The following VPS50 variants were observed in gnomAD, a reference collection of about 807,000 sequenced individuals.
VPS50 encodes VPS50 subunit of EARP/GARPII complex.
Under a neutral mutation model 139.7 loss-of-function variants are expected in VPS50, and 70 were observed. That is an observed-to-expected ratio of 0.50 (90% CI 0.41 to 0.61). The LOEUF (loss-of-function observed/expected upper bound fraction) is 0.61, where lower values mean the gene tolerates loss of function less well. Ranked by LOEUF, VPS50 falls within the 20% of genes least tolerant of loss-of-function variation. The pLI is 0.00. For missense variants in VPS50, 921 were observed against 1,133.7 expected (o/e 0.81, Z 2.69); for synonymous variants, 365 against 376.7 (o/e 0.97, Z 0.36).
At chr7:93,311,063 T>G in intron 19 of VPS50, 103 bp from the exon 20 acceptor site, 1 of 704,194 alleles carries the variant, frequency 1.4e-6, no homozygotes, top group South Asian at 1.6e-5. Flanking sequence ...TAGTAAGATT[T>G]TCATTAAATA....
intron 6 of VPS50, 108 bp downstream of exon 6, chr7:93,257,572 G>C: frequency 1.6e-6 from 1 of 633,350 alleles, no homozygotes; most frequent in South Asian, 2.1e-5. Flanking sequence ...GTGGTTTCTA[G>C]AATATCATTC....
At chr7:93,327,158 T>C (rs972301167) in intron 21 of VPS50, among the ~76,000 whole-genome samples, 3 of 152,314 alleles carry the variant, frequency 2.0e-5, no homozygotes, top group South Asian at 4.1e-4. Context: ...TTCACAATAG[T>C]GGAAACGTTC....
intron 21 of VPS50, among the ~76,000 whole-genome samples, chr7:93,327,553 A>G (rs1797818111): frequency 6.6e-6 from 1 of 152,178 alleles, no homozygotes; most frequent in Non-Finnish European, 1.5e-5. Context: ...AAGGTTTGTT[A>G]TGAACACACT....
chr7:93,358,075 A>G (rs1031055301), intron 27 of VPS50, among the ~76,000 whole-genome samples: 2 of 152,154 alleles, frequency 1.3e-5, no homozygotes, highest in Non-Finnish European at 2.9e-5. Context: ...TTGCTTTGCC[A>G]TATTAAAACA....
At chr7:93,335,220 G>T (rs1289908381) in intron 22 of VPS50, among the ~76,000 whole-genome samples, 1 of 152,180 alleles carries the variant, frequency 6.6e-6, no homozygotes, top group Non-Finnish European at 1.5e-5. Flanking sequence ...GTACTAAGAT[G>T]AAACTGAAGC....
At chr7:93,241,250 T>G (rs1353480411) in intron 2 of VPS50, among the ~76,000 whole-genome samples, 1 of 152,078 alleles carries the variant, frequency 6.6e-6, no homozygotes, top group Non-Finnish European at 1.5e-5. Flanking sequence ...TACTGGTTGG[T>G]AGTGAATATG....
At chr7:93,302,408 T>C (rs1797004336) in intron 16 of VPS50, among the ~76,000 whole-genome samples, 1 of 151,920 alleles carries the variant, frequency 6.6e-6, no homozygotes, top group Non-Finnish European at 1.5e-5. Flanking sequence ...TGTCTTTGAG[T>C]TCATGAATCC....
chr7:93,294,308 A>T (rs1432323921), intron 13 of VPS50, among the ~76,000 whole-genome samples: 1 of 151,890 alleles, frequency 6.6e-6, no homozygotes, highest in African/African-American at 2.4e-5. Flanking sequence ...ACTCAGTCAC[A>T]TATGATCTCA....
intron 25 of VPS50, among the ~76,000 whole-genome samples, chr7:93,351,697 C>A (rs1394675441): frequency 1.3e-5 from 2 of 152,054 alleles, no homozygotes; most frequent in Non-Finnish European, 2.9e-5. Flanking sequence ...TTTTAAAAAG[C>A]CCCACCTCCC....
chr7:93,265,808 C>G (rs1795825529), intron 9 of VPS50, among the ~76,000 whole-genome samples: 1 of 152,104 alleles, frequency 6.6e-6, no homozygotes, highest in Admixed American at 6.6e-5. Context: ...CTCAGATGAT[C>G]CACCTGCCTC....
At chr7:93,334,309 A>G (rs1798014249) in intron 22 of VPS50, 112 bp downstream of exon 22, 5 of 668,050 alleles carry the variant, frequency 7.5e-6, no homozygotes, top group African/African-American at 1.8e-5. Context: ...GAGTCCTCAG[A>G]ATTAAATGAG....
chr7:93,261,749 G>A (rs553959903), intron 9 of VPS50, among the ~76,000 whole-genome samples: 8 of 151,858 alleles, frequency 5.3e-5, no homozygotes, highest in East Asian at 1.9e-4. Flanking sequence ...GGAAGCATTC[G>A]GATCTAACTC....
Position 93,281,519 on chromosome 7 carries a change from G to A in VPS50, c.942+5214G>A, listed in dbSNP as rs76431417. On this transcript the variant is annotated intron_variant, in intron 12 of 27. Transcript: ENST00000305866. Reference sequence around the variant, plus strand: ...GCAGGAAATTAATGCTAAAGTTAATGTTCATGTTTAGTACCCATTTTGTTT... The same window carrying A: ...GCAGGAAATTAATGCTAAAGTTAATATTCATGTTTAGTACCCATTTTGTTT... Among the ~76,000 whole-genome samples the A allele has an allele frequency of 1.6e-3, 245 of 152,202 alleles. 9 individuals are homozygous for A. In the East Asian group the frequency reaches 0.043, roughly 27 times the overall value.
intron 1 of VPS50, 37 bp from the exon 2 acceptor site, chr7:93,239,829 A>G: frequency 1.7e-6 from 2 of 1,188,252 alleles, no homozygotes; most frequent in Non-Finnish European, 2.5e-6. Flanking sequence ...ATTCTTCAGC[A>G]TGATTAAAAT....
At chr7:93,276,090 G>A in intron 11 of VPS50, 75 bp from the exon 12 acceptor site, 1 of 1,331,656 alleles carries the variant, frequency 7.5e-7, no homozygotes, top group Middle Eastern at 1.9e-4. Context: ...ATGTTTCCCT[G>A]GGTTTTTTCA....
At chr7:93,325,642 A>G (rs1797747938) in intron 21 of VPS50, among the ~76,000 whole-genome samples, 1 of 152,194 alleles carries the variant, frequency 6.6e-6, no homozygotes, top group Non-Finnish European at 1.5e-5. Context: ...CAAAGGATAT[A>G]AATAGACACT....
intron 20 of VPS50, among the ~76,000 whole-genome samples, chr7:93,318,232 T>G (rs1278951788): frequency 6.6e-6 from 1 of 152,136 alleles, no homozygotes; most frequent in Non-Finnish European, 1.5e-5. Flanking sequence ...TTTGAGAGGA[T>G]AATCCCAAAA....
intron 5 of VPS50, 122 bp from the exon 6 acceptor site, chr7:93,257,272 G>A (rs1795514841): frequency 1.7e-6 from 1 of 580,216 alleles, no homozygotes; most frequent in Admixed American, 3.3e-5. Context: ...TATTTTTGTT[G>A]CTACTTTGTT....
At chr7:93,240,640 G>C (rs905842137) in intron 2 of VPS50, among the ~76,000 whole-genome samples, 2 of 152,110 alleles carry the variant, frequency 1.3e-5, no homozygotes, top group African/African-American at 4.8e-5. Flanking sequence ...GATTAAGCTG[G>C]CACTTCTGAA....
Sources: gnomAD v4.1 joint callset for allele counts (sites outside exome capture counted in the v4.1 genomes callset) on GRCh38, gnomAD v4.1.1 for gene constraint, MANE v1.5 for transcripts, NCBI Gene and HGNC (gene_info 2026-07-23, HGNC 2026-07-21) for gene names.